The following POLN variants were observed in gnomAD, a reference collection of about 807,000 sequenced individuals.
The protein encoded by POLN is DNA polymerase nu, also known as DNA polymerase N.
In POLN, 108 loss-of-function variants were observed where a neutral mutation model predicts 113.5. The ratio of observed to expected loss-of-function variants is 0.95; its 90% CI spans 0.81 to 1.12. The LOEUF (loss-of-function observed/expected upper bound fraction) is 1.12, where lower values mean the gene tolerates loss of function less well. Ranked by LOEUF, POLN falls within the 50% of genes most tolerant of loss-of-function variation. The probability of loss-of-function intolerance (pLI) is 0.00; values close to 1 mark genes in which losing one functional copy is unlikely to be tolerated. For synonymous variants in POLN, 386 were observed against 391.5 expected, an observed-to-expected ratio of 0.99 and a Z score of 0.17; for missense variants, 1,097 against 1,077.1, an observed-to-expected ratio of 1.02 and a Z score of -0.26.
intron 2 of POLN, among the ~76,000 whole-genome samples, chr4:2,232,983 C>T (rs1301115553): frequency 6.6e-6 from 1 of 152,120 alleles, no homozygotes; most frequent in Non-Finnish European, 1.5e-5. Flanking sequence ...CCTGTACCCC[C>T]CCACTAGACT....
At chr4:2,082,971 T>C (rs7654498) in intron 21 of POLN, 3 of 152,334 alleles carry the variant, frequency 2.0e-5, no homozygotes, top group Admixed American at 6.5e-5. Context: ...AGGGCTAGTC[T>C]AGACCTGCCT....
chr4:2,091,761 C>CTGTG (rs765518897), intron 20 of POLN, among the ~76,000 whole-genome samples: 6,215 of 145,012 alleles, frequency 0.043, 201 homozygotes, highest in East Asian at 0.14. Context: ...ACACGTGAAT[C>CTGTG]TGTGTGTGTG....
chr4:2,168,573 T>C (rs1577736944), intron 13 of POLN, among the ~76,000 whole-genome samples: 1 of 152,026 alleles, frequency 6.6e-6, no homozygotes, highest in Non-Finnish European at 1.5e-5. Flanking sequence ...CAGAAGAGAG[T>C]GATGCGTCCT....
Position 2,098,613 on chromosome 4 carries a change from C to T in POLN, c.1983-2680G>A, listed in dbSNP as rs528256528. On this transcript the variant is annotated intron_variant, in intron 19 of 25. Coordinates refer to ENST00000511885, the MANE Select transcript of POLN (RefSeq NM_181808.4). ...CATCAGTATGAACTCATGATAAGCT[C>T]CATGTTGATGCACATGGTTACATAG... 1.2e-4 allele frequency among the ~76,000 whole-genome samples: 18 copies of T among 152,284 alleles called. No homozygotes were observed. In the South Asian group the frequency reaches 3.7e-3, roughly 32 times the overall value.
chr4:2,169,206 T>A (rs1194520577), intron 13 of POLN, among the ~76,000 whole-genome samples: 1 of 152,156 alleles, frequency 6.6e-6, no homozygotes, highest in African/African-American at 2.4e-5. Flanking sequence ...GGCCTGGGGA[T>A]ACGCTCTGCA....
In POLN at chr4:2,093,048, G is replaced by A. The variant is rs530758812; in HGVS notation, c.2065+2803C>T. On this transcript the variant is annotated intron_variant, in intron 20 of 25. Transcript: ENST00000511885. This position sits in a 1 kb window ranked among gnomAD's most constrained non-coding sequence, Gnocchi z 4.1. ...GCCAAATTACCCTTTTCAACATTAT[G>A]GCTAATGACTCAGTGCTTATTTACA... Among the ~76,000 whole-genome samples the A allele has an allele frequency of 9.9e-5, 15 of 152,202 alleles. No homozygotes were observed. The East Asian group carries it at 2.7e-3, about 27-fold the overall frequency.
intron 2 of POLN, among the ~76,000 whole-genome samples, chr4:2,233,029 C>T (rs529120690): frequency 1.3e-5 from 2 of 152,228 alleles, no homozygotes; most frequent in South Asian, 2.1e-4. Context: ...TAGGAACCTG[C>T]GTTTTGATAC....
Position 2,193,196 on chromosome 4 carries a change from T to C in POLN, c.1021+8A>G, listed in dbSNP as rs1733493078. On this transcript the variant is annotated splice_region_variant and intron_variant, in intron 7 of 25. Coordinates refer to ENST00000511885, the MANE Select transcript of POLN (RefSeq NM_181808.4). ...TAAATTATAGAGAGAATAAAAAATA[T>C]AACTTACCATGCTTCCAACTGCCAT... 1.3e-6 allele frequency: 2 copies of C among 1,568,402 alleles called. No homozygotes were observed. The highest frequency in any genetic ancestry group is 1.1e-5 in the South Asian group (1 of 88,582).
intron 2 of POLN, chr4:2,229,701 A>C (rs1285642231): frequency 6.6e-6 from 1 of 152,384 alleles, no homozygotes; most frequent in Non-Finnish European, 1.5e-5. Context: ...TGGCACCTGT[A>C]ATCCCAGCTA....
At chr4:2,081,972 T>TTTTTTA in intron 21 of POLN, among the ~76,000 whole-genome samples, 1 of 146,500 alleles carries the variant, frequency 6.8e-6, no homozygotes, top group African/African-American at 2.5e-5. Flanking sequence ...TTTTTTTTTT[T>TTTTTTA]GAGACAGAGT....
chr4:2,201,277 CAAAA>C (rs35399602), intron 5 of POLN, among the ~76,000 whole-genome samples: 2 of 15,834 alleles, frequency 1.3e-4, no homozygotes, highest in African/African-American at 9.6e-4. Context: ...CCTACCACTC[CAAAA>C]AAAAAAAAAA....
At chr4:2,080,906 C>T in intron 23 of POLN, 52 bp downstream of exon 23, 1 of 1,612,666 alleles carries the variant, frequency 6.2e-7, no homozygotes, top group Non-Finnish European at 8.5e-7. Flanking sequence ...GGGGTCTTCC[C>T]ACAGAATACT....
At position 2,109,633 on chromosome 4, in the gene POLN, TC is replaced by T. The variant is rs202199410; in HGVS notation, c.1983-13701del. On this transcript the variant is annotated intron_variant, in intron 19 of 25. Transcript: ENST00000511885. Reference sequence around the variant, plus strand: ...TTGGCCCTTTTATCATTATGAAATGTCCCTTTTTATCCAGCAACATTTTTTC... The same window carrying T: ...TTGGCCCTTTTATCATTATGAAATGTCCTTTTTATCCAGCAACATTTTTTC... 3.3e-3 allele frequency among the ~76,000 whole-genome samples: 510 copies of T among 152,328 alleles called. 3 individuals are homozygous for T. The Middle Eastern group carries it at 0.037, about 11-fold the overall frequency.
intron 13 of POLN, among the ~76,000 whole-genome samples, chr4:2,161,313 G>A (rs1321989836): frequency 6.6e-6 from 1 of 152,218 alleles, no homozygotes; most frequent in Non-Finnish European, 1.5e-5. Flanking sequence ...GGCGCTTGCA[G>A]GCCAGCTGGA....
intron 19 of POLN, among the ~76,000 whole-genome samples, chr4:2,125,719 T>C (rs1205499220): frequency 3.3e-5 from 5 of 152,102 alleles, no homozygotes; most frequent in African/African-American, 1.2e-4. Context: ...TCTATGTGTG[T>C]CCCGGGATCC....
intron 16 of POLN, among the ~76,000 whole-genome samples, chr4:2,150,379 A>G (rs1299133927): frequency 6.6e-6 from 1 of 152,192 alleles, no homozygotes; most frequent in Non-Finnish European, 1.5e-5. Flanking sequence ...AGGTTATTTT[A>G]TCAAAATAAA....
At chr4:2,087,772 T>C (rs1236687329) in intron 20 of POLN, among the ~76,000 whole-genome samples, 1 of 152,186 alleles carries the variant, frequency 6.6e-6, no homozygotes. Context: ...GGGTTATATA[T>C]TGGATATCAT....
intron 11 of POLN, among the ~76,000 whole-genome samples, chr4:2,173,605 T>A (rs1266608935): frequency 6.6e-6 from 1 of 152,180 alleles, no homozygotes; most frequent in African/African-American, 2.4e-5. Flanking sequence ...AGAGCATTTT[T>A]AAGTATTTTT....
At chr4:2,091,482 C>T (rs1730661559) in intron 20 of POLN, among the ~76,000 whole-genome samples, 1 of 152,234 alleles carries the variant, frequency 6.6e-6, no homozygotes, top group South Asian at 2.1e-4. Context: ...ACACCCTTAG[C>T]AGTGGGACTG....
Sources: allele counts gnomAD v4.1 joint callset (sites outside exome capture counted in the v4.1 genomes callset), GRCh38; gene constraint gnomAD v4.1.1; non-coding constraint Gnocchi (gnomAD v3.1); transcripts MANE v1.5; gene names NCBI Gene and HGNC (gene_info 2026-07-23, HGNC 2026-07-21).